The following SLC14A2 variants were observed in gnomAD, a reference collection of about 807,000 sequenced individuals.
SLC14A2 encodes the protein solute carrier family 14 member 2.
A neutral mutation model predicts 104.6 loss-of-function variants in SLC14A2; 91 were observed. The observed-to-expected ratio is 0.87, with a 90% CI of 0.73 to 1.04. SLC14A2 has a LOEUF of 1.04. Ranked by LOEUF, SLC14A2 falls within the 50% of genes least tolerant of loss-of-function variation. The pLI is 0.00. For missense variants in SLC14A2, 1,189 were observed against 1,156.0 expected (o/e 1.03, Z -0.41); for synonymous variants, 476 against 466.4 (o/e 1.02, Z -0.27).
chr18:45,355,631 G>A (rs1448236052), intron 1 of SLC14A2, among the ~76,000 whole-genome samples: 2 of 150,008 alleles, frequency 1.3e-5, no homozygotes, highest in African/African-American at 2.5e-5. Context: ...CAGGGCAGTT[G>A]GGGAGGAAAG....
intron 2 of SLC14A2, among the ~76,000 whole-genome samples, chr18:45,520,436 C>T (rs1317548986): frequency 6.6e-6 from 1 of 152,194 alleles, no homozygotes; most frequent in Non-Finnish European, 1.5e-5. Context: ...TTATGTCCCC[C>T]TGTCCCTGAC....
At chr18:45,663,973 T>A (rs2045972969) in intron 11 of SLC14A2, 66 bp downstream of exon 11, 1 of 1,485,066 alleles carries the variant, frequency 6.7e-7, no homozygotes, top group African/African-American at 1.4e-5. Flanking sequence ...ACAGGGACAA[T>A]GGCAATACCT....
At chr18:45,561,593 T>C (rs1450138878) in intron 2 of SLC14A2, among the ~76,000 whole-genome samples, 7 of 152,092 alleles carry the variant, frequency 4.6e-5, no homozygotes, top group African/African-American at 7.3e-5. Context: ...AAATAGTGAA[T>C]GTTAACCTTC....
chr18:45,271,051 C>A (rs2084646062), intron 1 of SLC14A2, among the ~76,000 whole-genome samples: 1 of 152,154 alleles, frequency 6.6e-6, no homozygotes, highest in Non-Finnish European at 1.5e-5. Flanking sequence ...CAGCAACTTC[C>A]CTTCTCTGCT....
chr18:45,477,722 C>G (rs925725445), intron 1 of SLC14A2, among the ~76,000 whole-genome samples: 2 of 152,176 alleles, frequency 1.3e-5, no homozygotes, highest in Admixed American at 1.3e-4. Flanking sequence ...GCTACAGCAG[C>G]TTTGTAGAGC....
intron 1 of SLC14A2, among the ~76,000 whole-genome samples, chr18:45,623,821 G>C (rs1315992333): frequency 6.6e-6 from 1 of 152,130 alleles, no homozygotes; most frequent in Non-Finnish European, 1.5e-5. Flanking sequence ...AGAGGAGACC[G>C]CATGCAGGTC....
intron 1 of SLC14A2, among the ~76,000 whole-genome samples, chr18:45,316,509 A>G (rs1484873871): frequency 6.6e-6 from 1 of 152,180 alleles, no homozygotes; most frequent in Non-Finnish European, 1.5e-5. Context: ...AGGAAATTGG[A>G]TTTGTCATAT....
chr18:45,332,529 T>A (rs1458093795), intron 1 of SLC14A2, among the ~76,000 whole-genome samples: 1 of 152,188 alleles, frequency 6.6e-6, no homozygotes, highest in Non-Finnish European at 1.5e-5. Flanking sequence ...GACTGTATAT[T>A]ATTGTGCCCA....
chr18:45,375,560 G>T (rs1397461374), intron 1 of SLC14A2, among the ~76,000 whole-genome samples: 1 of 152,116 alleles, frequency 6.6e-6, no homozygotes, highest in African/African-American at 2.4e-5. Context: ...CAGAATACTC[G>T]GGGAGACTGA....
chr18:45,400,579 T>C (rs779184983), intron 1 of SLC14A2, among the ~76,000 whole-genome samples: 21 of 152,220 alleles, frequency 1.4e-4, no homozygotes, highest in Non-Finnish European at 2.4e-4. Context: ...CTAAATATTT[T>C]CTGTGGAGAT....
At chr18:45,507,382 C>T (rs1371006905) in intron 2 of SLC14A2, 1 of 152,568 alleles carries the variant, frequency 6.6e-6, no homozygotes, top group Non-Finnish European at 1.5e-5. Context: ...CACAGGAGCA[C>T]CATGTCATGC....
intron 1 of SLC14A2, among the ~76,000 whole-genome samples, chr18:45,222,981 C>G (rs1409107293): frequency 3.3e-5 from 5 of 152,280 alleles, no homozygotes; most frequent in African/African-American, 9.6e-5. Flanking sequence ...AAGACTAACA[C>G]TAAACAAGGA....
intron 2 of SLC14A2, among the ~76,000 whole-genome samples, chr18:45,590,731 A>ATAATTTT (rs2044635623): frequency 6.6e-6 from 1 of 152,210 alleles, no homozygotes; most frequent in South Asian, 2.1e-4. Context: ...AGCATCTCTG[A>ATAATTTT]CCCAGCTGCC....
rs957792144 is a variant in SLC14A2 at position 45,344,615 on chromosome 18, CGTT to C, written c.-125+131427_-125+131429del. On this transcript the variant is annotated intron_variant, in intron 1 of 20. Coordinates refer to the SLC14A2 transcript ENST00000586448. ...AGGGGGAAGAAGCAAATCCCAGAAA[CGTT>C]GTCAAAAGGTTGGAGTCAGTAAGGT... Among the ~76,000 whole-genome samples the C allele has an allele frequency of 3.1e-3, 478 of 152,196 alleles. 2 individuals are homozygous for C. Among genetic ancestry groups the C allele is most frequent in the African/African-American group, 0.011 (451 of 41,510 alleles).
chr18:45,682,386 A>G lies in SLC14A2; in HGVS notation c.2630A>G (p.Asn877Ser), dbSNP rs568661995. The change falls in exon 20 of 20, where the codon AAT becomes AGT. Residue 877 changes from asparagine to serine, a missense_variant. By Grantham distance (46) the Asn-to-Ser change is conservative. Coordinates refer to ENST00000255226, the MANE Select transcript of SLC14A2 (RefSeq NM_007163.4). Reference sequence around the variant, plus strand: ...CTCACCTTCCTGCTCCTGACGACCAATAACCCCGCCATCTACAAGCTCCCG... The same window carrying G: ...CTCACCTTCCTGCTCCTGACGACCAGTAACCCCGCCATCTACAAGCTCCCG... The part of the protein sequence containing the change: ...SALTFLLLTT[N>S]NPAIYKLPLS... 1.6e-5 allele frequency: 26 copies of G among 1,614,152 alleles called. No homozygotes were observed. Among genetic ancestry groups the G allele is most frequent in the Non-Finnish European group, 2.2e-5 (26 of 1,180,028 alleles).
At chr18:45,258,206 C>T (rs2084500545) in intron 1 of SLC14A2, among the ~76,000 whole-genome samples, 1 of 103,304 alleles carries the variant, frequency 9.7e-6, no homozygotes, top group Non-Finnish European at 2.0e-5. Flanking sequence ...CTGACTGACA[C>T]TAAAGCCTGG....
intron 1 of SLC14A2, among the ~76,000 whole-genome samples, chr18:45,621,631 T>C (rs1314593661): frequency 1.3e-5 from 2 of 152,166 alleles, no homozygotes; most frequent in African/African-American, 4.8e-5. Context: ...GAACCCTTAC[T>C]ACATGCCACA....
intron 10 of SLC14A2, among the ~76,000 whole-genome samples, chr18:45,649,420 C>A (rs546552823): frequency 2.6e-5 from 4 of 152,284 alleles, no homozygotes; most frequent in African/African-American, 9.6e-5. Flanking sequence ...TTAATTCTTT[C>A]CCCTTGCAAT....
rs1276427111 is a variant in SLC14A2 at position 45,557,099 on chromosome 18, T to C, written c.-34-67532T>C. Among the ~76,000 whole-genome samples the C allele has an allele frequency of 5.9e-5, 9 of 152,262 alleles. No homozygotes were observed. The South Asian group carries it at 1.9e-3, about 32-fold the overall frequency. On this transcript the variant is annotated intron_variant, in intron 2 of 20. Coordinates refer to the SLC14A2 transcript ENST00000586448. Reference sequence around the variant, plus strand: ...GCACAGCCAGCACCTTTGCTTGTTGTACAGTTCTCAGGTATTTGGAAGCCA... The same window carrying C: ...GCACAGCCAGCACCTTTGCTTGTTGCACAGTTCTCAGGTATTTGGAAGCCA...
Sources: allele counts gnomAD v4.1 joint callset (sites outside exome capture counted in the v4.1 genomes callset), GRCh38; gene constraint gnomAD v4.1.1; transcripts MANE v1.5; gene names NCBI Gene and HGNC (gene_info 2026-07-23, HGNC 2026-07-21).